Variants in ZNF410 observed in about 807,000 individuals in gnomAD.
ZNF410 encodes another partner for ARF 1.
A neutral mutation model predicts 54.8 loss-of-function variants in ZNF410; 18 were observed. The observed-to-expected ratio is 0.33, with a 90% confidence interval of 0.23 to 0.49. ZNF410 has a LOEUF of 0.49. ZNF410 is among the 20% of genes least tolerant of loss of function. ZNF410 has a pLI of 0.99. For synonymous variants in ZNF410, 191 were observed against 207.3 expected (o/e 0.92, Z 0.68); for missense variants, 405 against 569.6 (o/e 0.71, Z 2.94).
chr14:73,904,040 T>G lies in ZNF410; in HGVS notation c.661T>G (p.Cys221Gly), dbSNP rs1308471041. Residue 221 changes from cysteine to glycine, a missense_variant, in exon 6 of 12, where the codon TGT (cysteine) becomes GGT (glycine). By Grantham distance (159) the Cys-to-Gly change is radical. Around this residue, in one of 3 missense-constraint regions of ZNF410, gnomAD observed 247 missense variants for 342.8 expected, o/e 0.72. Transcript: ENST00000555044. ...PLPQVEKKLK[C>G]TVEGCDRTFV... The stretch of plus-strand genomic sequence containing the variant: ...TCCTCAAGTGGAAAAGAAGCTCAAG[T>G]GTACAGTTGAAGGTTGTGACCGGAC... 6.2e-7 allele frequency: 1 copy of G among 1,614,166 alleles called. No homozygotes were observed.
chr14:73,924,711 C>G (rs746892949), intron 11 of ZNF410: 2 of 445,178 alleles, frequency 4.5e-6, no homozygotes, highest in Non-Finnish European at 8.9e-6. Flanking sequence ...GAGTCTCGCT[C>G]CGTTGCCCAG....
rs116605099 is a variant in ZNF410 at position 73,920,966 on chromosome 14, G to C, written c.1004-14G>C. 1,720 of 1,613,680 alleles carry C rather than the reference G, an allele frequency of 1.1e-3. 17 individuals carry two copies. In the African/African-American group the frequency reaches 0.02, roughly 19 times the overall value. On this transcript the variant is annotated splice_polypyrimidine_tract_variant and intron_variant, in intron 8 of 11. Coordinates refer to ENST00000555044, the MANE Select transcript of ZNF410 (RefSeq NM_021188.3). Reference sequence around the variant, plus strand: ...TCCTTTTGGCTTCCTTGTTTAACCTGGTCCCTGTTTCAGGAGAGAAGCCTC... The same window carrying C: ...TCCTTTTGGCTTCCTTGTTTAACCTCGTCCCTGTTTCAGGAGAGAAGCCTC...
intron 7 of ZNF410, among the ~76,000 whole-genome samples, chr14:73,908,651 G>A (rs1162506037): frequency 6.6e-6 from 1 of 152,098 alleles, no homozygotes; most frequent in East Asian, 1.9e-4. Flanking sequence ...CTGTTTCAAG[G>A]CTCTGCTCAC....
intron 3 of ZNF410, 108 bp from the exon 4 acceptor site, chr14:73,896,206 CTG>C (rs1486756639): frequency 2.7e-6 from 2 of 735,992 alleles, no homozygotes; most frequent in Non-Finnish European, 4.6e-6. Flanking sequence ...AGAATGCTGT[CTG>C]TTGCTATAAG....
intron 8 of ZNF410, among the ~76,000 whole-genome samples, chr14:73,911,995 G>A (rs761019437): frequency 2.6e-5 from 4 of 152,026 alleles, no homozygotes; most frequent in Non-Finnish European, 5.9e-5. Flanking sequence ...ATGTAAGTAA[G>A]CTCTAAAAGC....
At position 73,932,067 on chromosome 14, in the gene ZNF410, C is replaced by T. The variant is rs1404682712; in HGVS notation, c.*526C>T. On this transcript the variant is annotated 3_prime_UTR_variant, in exon 12 of 12. Transcript: ENST00000555044. Reference sequence around the variant, plus strand: ...GAGTAAGAGACTCTCTGCCACTGGGCTGCAAAAAAATAAATTACTTGAATC... The same window carrying T: ...GAGTAAGAGACTCTCTGCCACTGGGTTGCAAAAAAATAAATTACTTGAATC... 6.6e-6 allele frequency: 3 copies of T among 454,888 alleles called. No individual in the cohort carries two copies. Among genetic ancestry groups the T allele is most frequent in the Non-Finnish European group, 8.9e-6 (2 of 225,840 alleles). 28.2% of individuals were successfully genotyped at this position (454,888 alleles called of 1,614,324 possible).
chr14:73,888,449 C>T (rs2055176946), intron 1 of ZNF410: 1 of 151,942 alleles, frequency 6.6e-6, no homozygotes, highest in South Asian at 2.1e-4. Context: ...GTATGGAAGC[C>T]CTTTAAGCTC....
At position 73,894,554 on chromosome 14, in the gene ZNF410, G is replaced by GT. The variant is rs1278506998; in HGVS notation, c.169+623dup. 1.6e-5 allele frequency: 10 copies of GT among 626,334 alleles called. No individual in the cohort carries two copies. The African/African-American group carries it at 1.8e-4, about 12-fold the overall frequency. The allele number at this position is 626,334 out of a possible 1,614,324, so 38.8% of individuals were successfully genotyped here. A position where few individuals can be genotyped will look rare whatever the true frequency, so the allele number is the denominator to read the frequency against. On this transcript the variant is annotated intron_variant, in intron 3 of 11. Coordinates refer to ENST00000555044, the MANE Select transcript of ZNF410 (RefSeq NM_021188.3). ...CTATTCTCCTGCCTCAGCCTCCTAA[G>GT]TAGCTGGGATTACAGGTGCGTGCCA...
chr14:73,898,866 G>A (rs984799047), intron 5 of ZNF410, among the ~76,000 whole-genome samples: 4 of 152,138 alleles, frequency 2.6e-5, no homozygotes, highest in Admixed American at 2.0e-4. Flanking sequence ...GATCATTGAC[G>A]TCACGTGGGA....
At chr14:73,907,938 A>G (rs998469581) in intron 7 of ZNF410, among the ~76,000 whole-genome samples, 3 of 152,062 alleles carry the variant, frequency 2.0e-5, no homozygotes, top group African/African-American at 4.8e-5. Flanking sequence ...GTGGCTTACT[A>G]TGAGGGCTTA....
At chr14:73,906,003 A>C (rs965868430) in intron 7 of ZNF410, among the ~76,000 whole-genome samples, 5 of 140,358 alleles carry the variant, frequency 3.6e-5, no homozygotes, top group African/African-American at 1.3e-4. Context: ...ATACACACAT[A>C]CTTTTTTTTT....
intron 7 of ZNF410, among the ~76,000 whole-genome samples, chr14:73,905,936 C>CATAT (rs72062103): frequency 3.0e-5 from 4 of 131,496 alleles, no homozygotes; most frequent in African/African-American, 6.5e-5. Flanking sequence ...CACATACATA[C>CATAT]ATATATATAC....
At chr14:73,923,580 A>G (rs1299831114) in intron 11 of ZNF410, 58 bp downstream of exon 11, 1 of 1,559,006 alleles carries the variant, frequency 6.4e-7, no homozygotes, top group African/African-American at 1.4e-5. Flanking sequence ...ATGATTGAGA[A>G]TTTAGAGGAC....
In ZNF410 at chr14:73,893,944, G is replaced by A. The variant is rs200423421; in HGVS notation, c.169+12G>A. 961 of 1,605,358 alleles carry A rather than the reference G, an allele frequency of 6.0e-4. No homozygotes were observed. The highest frequency in any genetic ancestry group is 1.5e-3 in the Middle Eastern group (9 of 6,000). ...GCTAATGTTACCAGGTAAAAATTAA[G>A]ATCACTAGAAATAGGATAAAGAAGT... On this transcript the variant is annotated intron_variant, in intron 3 of 11. Transcript: ENST00000555044.
intron 3 of ZNF410, 68 bp downstream of exon 3, chr14:73,894,000 G>T (rs2055272268): frequency 6.8e-5 from 104 of 1,529,218 alleles, no homozygotes; most frequent in South Asian, 4.5e-4. Context: ...TATGTTACTG[G>T]TGGAATGAAT....
chr14:73,889,528 G>C (rs991703014), intron 1 of ZNF410, among the ~76,000 whole-genome samples: 1 of 151,660 alleles, frequency 6.6e-6, no homozygotes, highest in South Asian at 2.1e-4. Context: ...GTCAAACCTA[G>C]AGAGATGTAA....
intron 6 of ZNF410, 110 bp from the exon 7 acceptor site, chr14:73,904,792 A>G: frequency 1.7e-6 from 2 of 1,208,492 alleles, no homozygotes; most frequent in Non-Finnish European, 2.3e-6. Flanking sequence ...ATTCTGATAT[A>G]TCCAGTTTTT....
intron 5 of ZNF410, chr14:73,898,487 C>T (rs138764527): frequency 3.2e-5 from 18 of 571,188 alleles, no homozygotes; most frequent in African/African-American, 2.8e-4. Flanking sequence ...AAATAATGTA[C>T]AGAGCCCCTT....
chr14:73,891,727 A>G (rs1013710937), intron 1 of ZNF410: 19 of 353,014 alleles, frequency 5.4e-5, no homozygotes, highest in Admixed American at 4.1e-4. Context: ...GTGTGTGTGT[A>G]TACATTGCTT....
Sources: gnomAD v4.1 joint callset for allele counts (sites outside exome capture counted in the v4.1 genomes callset) on GRCh38, gnomAD v4.1.1 for gene constraint, gnomAD v4.1.1 regional missense constraint, MANE v1.5 for transcripts, NCBI Gene and HGNC (gene_info 2026-07-23, HGNC 2026-07-21) for gene names.